Variants in CD96 observed in about 807,000 individuals in gnomAD.
CD96 encodes CD96 molecule.
CD96 carries 70 observed loss-of-function variants against 71.3 expected under a neutral mutation model. That is an observed-to-expected ratio of 0.98 (90% CI 0.81 to 1.20). CD96 has a LOEUF of 1.20. Among genes scored for constraint, CD96 ranks in the 50% most tolerant of loss-of-function variants. CD96 has a pLI of 0.00. For missense variants in CD96, 742 were observed against 677.5 expected, an observed-to-expected ratio of 1.10 and a Z score of -1.06; for synonymous variants, 248 against 233.0, an observed-to-expected ratio of 1.06 and a Z score of -0.59.
chr3:111,592,494 A>C (rs1015789354), intron 5 of CD96, among the ~76,000 whole-genome samples: 15 of 152,214 alleles, frequency 9.9e-5, no homozygotes, highest in African/African-American at 3.1e-4. Context: ...TCAGGATCTA[A>C]GAAAATGTAC....
chr3:111,542,396 C>CTGCTGAAATTGATCACCAT (rs1553695997), intron 1 of CD96, 87 bp downstream of exon 1: 1 of 872,968 alleles, frequency 1.1e-6, no homozygotes, highest in African/African-American at 2.2e-5. Flanking sequence ...CTTGTGACTG[C>CTGCTGAAATTGATCACCAT]TGCTGAAATT....
intron 10 of CD96, among the ~76,000 whole-genome samples, chr3:111,635,667 G>A (rs906123302): frequency 4.6e-5 from 7 of 152,070 alleles, no homozygotes; most frequent in African/African-American, 1.7e-4. Context: ...ATTACAAAAT[G>A]TTCTATATTG....
intron 3 of CD96, among the ~76,000 whole-genome samples, chr3:111,568,522 T>A (rs1935828447): frequency 6.6e-6 from 1 of 152,212 alleles, no homozygotes; most frequent in African/African-American, 2.4e-5. Context: ...TTTCTCTCCT[T>A]GAAATACTGC....
chr3:111,550,879 G>A (rs55882110), intron 2 of CD96, among the ~76,000 whole-genome samples: 8 of 152,126 alleles, frequency 5.3e-5, no homozygotes, highest in Non-Finnish European at 1.2e-4. Context: ...TTCGCACAAG[G>A]CTTTCTCCAG....
At position 111,611,551 on chromosome 3, in the gene CD96, A is replaced by G. The variant is rs148879632; in HGVS notation, c.1180+4759A>G. Among the ~76,000 whole-genome samples, 484 of 152,300 alleles carry G rather than the reference A, an allele frequency of 3.2e-3. 2 individuals are homozygous for G. Among genetic ancestry groups the G allele is most frequent in the African/African-American group, 0.011 (465 of 41,570 alleles). On this transcript the variant is annotated intron_variant, in intron 8 of 13. Transcript: ENST00000352690. ...GATAGCAACTTCTGACCCCTTTGCT[A>G]GTCATGCCATGCCTGTATTCAGGTG...
chr3:111,579,759 A>T (rs1363149848), intron 4 of CD96, among the ~76,000 whole-genome samples: 1 of 152,056 alleles, frequency 6.6e-6, no homozygotes, highest in African/African-American at 2.4e-5. Flanking sequence ...CCATTAATCC[A>T]TGAATGGATT....
chr3:111,588,937 T>C (rs1229956266), intron 5 of CD96, among the ~76,000 whole-genome samples: 1 of 151,460 alleles, frequency 6.6e-6, no homozygotes, highest in East Asian at 1.9e-4. Flanking sequence ...GGTAGGTGTT[T>C]TTGTTTCTTT....
intron 8 of CD96, among the ~76,000 whole-genome samples, chr3:111,622,938 G>A (rs551945490): frequency 9.0e-4 from 137 of 152,312 alleles, no homozygotes; most frequent in African/African-American, 2.6e-3. Context: ...ATCAGGAAAT[G>A]CACTTTGTCC....
intron 5 of CD96, chr3:111,593,827 C>T: frequency 3.7e-6 from 6 of 1,614,142 alleles, no homozygotes; most frequent in Non-Finnish European, 5.1e-6. Context: ...GCCCGTGGGG[C>T]CTTGGATCCT....
At chr3:111,599,446 G>A (rs920134680) in intron 6 of CD96, among the ~76,000 whole-genome samples, 7 of 152,112 alleles carry the variant, frequency 4.6e-5, no homozygotes, top group African/African-American at 1.2e-4. Context: ...TAGGCCAGGC[G>A]CAGTGGCACA....
At chr3:111,551,864 G>A (rs1190870574) in intron 2 of CD96, among the ~76,000 whole-genome samples, 1 of 152,016 alleles carries the variant, frequency 6.6e-6, no homozygotes, top group African/African-American at 2.4e-5. Context: ...GGTCTTTGAC[G>A]AATGGCCACA....
chr3:111,596,361 G>T (rs963851489), intron 5 of CD96, among the ~76,000 whole-genome samples: 1 of 152,054 alleles, frequency 6.6e-6, no homozygotes. Flanking sequence ...ATCTTGGAAC[G>T]CAAAGTCTAG....
At chr3:111,555,802 A>T (rs1386071558) in intron 2 of CD96, among the ~76,000 whole-genome samples, 1 of 152,276 alleles carries the variant, frequency 6.6e-6, no homozygotes, top group East Asian at 1.9e-4. Flanking sequence ...AAAGTTTTTA[A>T]ATAATCAAAT....
Position 111,647,465 on chromosome 3 carries a change from T to C in CD96, c.1478-78T>C, listed in dbSNP as rs1434021573. ...AATGTTGAAGAAAATATGTTTCACG[T>C]AGGAAAAATGGTTTAATCCTGTTTT... On this transcript the variant is annotated intron_variant, in intron 12 of 13. Transcript: ENST00000352690. 10 of 1,308,956 alleles carry C rather than the reference T, an allele frequency of 7.6e-6. No homozygotes were observed. In the East Asian group the frequency reaches 1.4e-4, roughly 18 times the overall value. The allele number at this position is 1,308,956 out of a possible 1,614,324, so 81.1% of individuals were successfully genotyped here. A position where few individuals can be genotyped will look rare whatever the true frequency, so the allele number is the denominator to read the frequency against.
intron 2 of CD96, among the ~76,000 whole-genome samples, chr3:111,552,970 C>A (rs1159117739): frequency 6.6e-6 from 1 of 151,912 alleles, no homozygotes; most frequent in African/African-American, 2.4e-5. Context: ...AACTCATAGG[C>A]AATCTCATTT....
chr3:111,647,697 G>C, intron 13 of CD96, 31 bp downstream of exon 13: 1 of 1,518,588 alleles, frequency 6.6e-7, no homozygotes. Flanking sequence ...TGTAGGAACA[G>C]ATTAATTTTT....
chr3:111,619,022 A>G (rs1938389667), intron 8 of CD96, among the ~76,000 whole-genome samples: 1 of 152,210 alleles, frequency 6.6e-6, no homozygotes, highest in Non-Finnish European at 1.5e-5. Flanking sequence ...AGTATTTCCC[A>G]AAAGTTAATC....
At chr3:111,592,009 T>C (rs939216090) in intron 5 of CD96, among the ~76,000 whole-genome samples, 7 of 152,220 alleles carry the variant, frequency 4.6e-5, no homozygotes, top group Admixed American at 4.6e-4. Context: ...GCCCACAAAG[T>C]ACTTGGGCTA....
intron 4 of CD96, 102 bp downstream of exon 4, chr3:111,579,336 TG>T: frequency 1.3e-6 from 1 of 779,028 alleles, no homozygotes; most frequent in East Asian, 2.5e-5. Context: ...CAGCCACATG[TG>T]GGTAACAGTG....
Sources: gnomAD v4.1 joint callset for allele counts (sites outside exome capture counted in the v4.1 genomes callset) on GRCh38, gnomAD v4.1.1 for gene constraint, MANE v1.5 for transcripts, NCBI Gene and HGNC (gene_info 2026-07-23, HGNC 2026-07-21) for gene names.